Variants in MLYCD observed in about 807,000 individuals in gnomAD.
MLYCD encodes the protein malonyl-CoA decarboxylase, also known as malonyl-CoA decarboxylase, mitochondrial.
Under a neutral mutation model 35.8 loss-of-function variants are expected in MLYCD, and 27 were observed. The observed-to-expected ratio is 0.75, with a 90% CI of 0.56 to 1.04. MLYCD has a LOEUF of 1.04. MLYCD is among the 50% of genes least tolerant of loss of function. The pLI is 0.00. For missense variants in MLYCD, 917 were observed against 665.1 expected, an observed-to-expected ratio of 1.38 and a Z score of -4.17; for synonymous variants, 403 against 302.4, an observed-to-expected ratio of 1.33 and a Z score of -3.45.
chr16:83,918,255 CAGG>C lies in MLYCD; in HGVS notation c.*2769_*2771del, dbSNP rs1205160813. On this transcript the variant is annotated 3_prime_UTR_variant, in exon 5 of 5. Transcript: ENST00000262430. ...GGTGAAAGCCAGGTAGGCCTCGCCG[CAGG>C]AGAACACATACATGGTGCACAGAAC... The C allele has an allele frequency of 4.6e-5, 7 of 152,254 alleles. No individual in the cohort carries two copies. Among genetic ancestry groups the C allele is most frequent in the African/African-American group, 1.7e-4 (7 of 41,448 alleles). The allele number at this position is 152,254 out of a possible 1,614,324, so 9.4% of individuals were successfully genotyped here.
rs1906707739 is a variant in MLYCD, at chr16:83,899,631, G to C, written c.487G>C (p.Glu163Gln). The change falls in exon 1 of 5, where the codon GAG becomes CAG. Residue 163 changes from glutamate (E) to glutamine (Q), a missense_variant. Transcript: ENST00000262430. ...GGTGCAGCTGCGGGCCGACCTGCTG[G>C]AGGCGCAGGCCCTCAAGCTGGTGGA... ...FLVQLRADLL[E>Q]AQALKLVEGP... 2 of 1,560,626 alleles carry C rather than the reference G, an allele frequency of 1.3e-6. No individual in the cohort carries two copies. The highest frequency in any genetic ancestry group is 1.4e-5 in the African/African-American group (1 of 73,390).
intron 3 of MLYCD, among the ~76,000 whole-genome samples, chr16:83,909,367 A>G (rs1185863843): frequency 6.6e-6 from 1 of 152,204 alleles, no homozygotes; most frequent in Admixed American, 6.5e-5. Context: ...AGGGCGCTGT[A>G]GACACATGGC....
In MLYCD at chr16:83,903,404, G is replaced by A. The variant is rs570799096; in HGVS notation, c.529-3583G>A. 5.3e-5 allele frequency among the ~76,000 whole-genome samples: 8 copies of A among 152,222 alleles called. No homozygotes were observed. The East Asian group carries it at 9.7e-4, about 18-fold the overall frequency. ...CCCATAGCATCAAGTGTACACCTGC[G>A]GAGTGTCAGCTTACGTGAGTGGGAA... On this transcript the variant is annotated intron_variant, in intron 1 of 4. Transcript: ENST00000262430.
chr16:83,904,139 T>G (rs1906895213), intron 1 of MLYCD, among the ~76,000 whole-genome samples: 5 of 152,166 alleles, frequency 3.3e-5, no homozygotes. Flanking sequence ...AACCATTTCT[T>G]TCATAATTAA....
At chr16:83,899,916 A>G (rs1906723480) in intron 1 of MLYCD, among the ~76,000 whole-genome samples, 1 of 152,210 alleles carries the variant, frequency 6.6e-6, no homozygotes, top group Admixed American at 6.5e-5. Context: ...AGTGTTTACT[A>G]AATACTCAGC....
At chr16:83,902,284 G>A (rs1172887018) in intron 1 of MLYCD, among the ~76,000 whole-genome samples, 8 of 149,172 alleles carry the variant, frequency 5.4e-5, no homozygotes, top group African/African-American at 7.4e-5. Flanking sequence ...GGCTGGTCTT[G>A]AACTCCTGGC....
intron 3 of MLYCD, among the ~76,000 whole-genome samples, chr16:83,908,941 C>A (rs181694060): frequency 1.3e-5 from 2 of 152,212 alleles, no homozygotes; most frequent in Admixed American, 1.3e-4. Context: ...TTGCTCAGAC[C>A]AAGAGGACAT....
At chr16:83,911,482 C>T (rs1354622723) in intron 3 of MLYCD, among the ~76,000 whole-genome samples, 2 of 152,174 alleles carry the variant, frequency 1.3e-5, no homozygotes, top group Non-Finnish European at 2.9e-5. Flanking sequence ...CACTGTTATC[C>T]AGTGAGCTTT....
chr16:83,921,790 T>G lies in MLYCD; in HGVS notation c.*6301T>G, dbSNP rs1254267843. 7.1e-6 allele frequency: 1 copy of G among 140,630 alleles called. No homozygotes were observed. Among genetic ancestry groups the G allele is most frequent in the Non-Finnish European group, 1.6e-5 (1 of 62,504 alleles). The allele number at this position is 140,630 out of a possible 1,614,324, so 8.7% of individuals were successfully genotyped here. ...CCACCCATTCTTACACATGTCATCT[T>G]TCCCACAGTGGCAGTGCAGAGGAGA... is the stretch of plus-strand genomic sequence containing the variant. On this transcript the variant is annotated 3_prime_UTR_variant, in exon 5 of 5. Coordinates refer to ENST00000262430, the MANE Select transcript of MLYCD (RefSeq NM_012213.3).
At position 83,918,073 on chromosome 16, in the gene MLYCD, C is replaced by G. The variant is rs979567552; in HGVS notation, c.*2584C>G. ...CTGAGGTAGGTCTCGGAATAGTGTT[C>G]AAATCCATTTTACTATTGCGGCCAA... On this transcript the variant is annotated 3_prime_UTR_variant, in exon 5 of 5. Coordinates refer to ENST00000262430, the MANE Select transcript of MLYCD (RefSeq NM_012213.3). 6 of 152,248 alleles carry G rather than the reference C, an allele frequency of 3.9e-5. No individual in the cohort carries two copies. The highest frequency in any genetic ancestry group is 1.4e-4 in the African/African-American group (6 of 41,454). 9.4% of individuals were successfully genotyped at this position (152,248 alleles called of 1,614,324 possible).
chr16:83,919,759 C>T lies in MLYCD; in HGVS notation c.*4270C>T, dbSNP rs1218842466. The stretch of plus-strand genomic sequence containing the variant: ...CACAGTGCACAGAACACACGGTGCA[C>T]AGGAGAACACATGGTGCACAGGAGA... On this transcript the variant is annotated 3_prime_UTR_variant, in exon 5 of 5. Coordinates refer to ENST00000262430, the MANE Select transcript of MLYCD (RefSeq NM_012213.3). 1.3e-5 allele frequency: 2 copies of T among 150,386 alleles called. No homozygotes were observed. The highest frequency in any genetic ancestry group is 5.0e-5 in the African/African-American group (2 of 40,214). The allele number at this position is 150,386 out of a possible 1,614,324, so 9.3% of individuals were successfully genotyped here. A position where few individuals can be genotyped will look rare whatever the true frequency, so the allele number is the denominator to read the frequency against.
rs1907536481 is a variant in MLYCD at position 83,918,850 on chromosome 16, ACAGTGCACAGAACACAGC to A, written c.*3372_*3389del. On this transcript the variant is annotated 3_prime_UTR_variant, in exon 5 of 5. Coordinates refer to ENST00000262430, the MANE Select transcript of MLYCD (RefSeq NM_012213.3). ...ACAGTACACAGGAGAACACGCACACACAGTGCACAGAACACAGCCAGTGCACAGGAGAACACTGCACAG... is the reference window on the plus strand; with the variant it reads ...ACAGTACACAGGAGAACACGCACACACAGTGCACAGGAGAACACTGCACAG... 1 of 149,036 alleles carries A rather than the reference ACAGTGCACAGAACACAGC, an allele frequency of 6.7e-6. No individual in the cohort carries two copies. Among genetic ancestry groups the A allele is most frequent in the Non-Finnish European group, 1.5e-5 (1 of 67,782 alleles). The allele number at this position is 149,036 out of a possible 1,614,324, so 9.2% of individuals were successfully genotyped here.
chr16:83,907,197 T>C (rs1021499120), intron 2 of MLYCD, 98 bp downstream of exon 2: 42 of 1,050,348 alleles, frequency 4.0e-5, no homozygotes, highest in Non-Finnish European at 6.1e-5. Flanking sequence ...TCCATTCATA[T>C]GTACAGTTTA....
chr16:83,909,808 T>C (rs1907109478), intron 3 of MLYCD, among the ~76,000 whole-genome samples: 1 of 151,188 alleles, frequency 6.6e-6, no homozygotes, highest in Non-Finnish European at 1.5e-5. Context: ...TTTTTTTGTA[T>C]TTTTAGCAGA....
rs1037462236 is a variant in MLYCD at position 83,915,253 on chromosome 16, C to G, written c.1246C>G (p.Leu416Val). ...TGGAGAGAAGCACCGCGGCTACGCGCTGAACCCCGTGGCCAACTTCCACCT... is the reference window on the plus strand; with the variant it reads ...TGGAGAGAAGCACCGCGGCTACGCGGTGAACCCCGTGGCCAACTTCCACCT... Reference protein sequence around the residue: ...LYGEKHRGYALNPVANFHLQN... With the variant: ...LYGEKHRGYAVNPVANFHLQN... The change falls in exon 5 of 5, where the codon CTG becomes GTG. Residue 416 changes from leucine to valine, a missense_variant. Physicochemically the swap from Leu to Val is conservative, Grantham distance 32 (BLOSUM62 1). Transcript: ENST00000262430. The G allele has an allele frequency of 1.4e-5, 23 of 1,612,472 alleles. No individual in the cohort carries two copies. Among genetic ancestry groups the G allele is most frequent in the East Asian group, 4.5e-5 (2 of 44,854 alleles).
intron 1 of MLYCD, 24 bp from the exon 2 acceptor site, chr16:83,906,963 T>G (rs1330946631): frequency 1.2e-6 from 2 of 1,601,656 alleles, no homozygotes; most frequent in South Asian, 2.2e-5. Flanking sequence ...ATTGGAGGCC[T>G]GGGATTTATC....
chr16:83,912,036 C>G (rs1238242779), intron 3 of MLYCD, 182 bp from the exon 4 acceptor site: 1 of 827,264 alleles, frequency 1.2e-6, no homozygotes, highest in East Asian at 2.5e-5. Context: ...GTCGCCTCCT[C>G]CAGAGAGTTT....
At chr16:83,907,268 GAT>G (rs1428261471) in intron 2 of MLYCD, among the ~76,000 whole-genome samples, 169 bp downstream of exon 2, 1 of 152,116 alleles carries the variant, frequency 6.6e-6, no homozygotes, top group Non-Finnish European at 1.5e-5. Flanking sequence ...CACCACACAT[GAT>G]ACTAAGATTA....
At chr16:83,904,213 A>C (rs1014599906) in intron 1 of MLYCD, among the ~76,000 whole-genome samples, 1 of 152,182 alleles carries the variant, frequency 6.6e-6, no homozygotes, top group Non-Finnish European at 1.5e-5. Context: ...TAAGACAGAT[A>C]CCAGTACCTC....
Sources: gnomAD v4.1 joint callset for allele counts (sites outside exome capture counted in the v4.1 genomes callset) on GRCh38, gnomAD v4.1.1 for gene constraint, MANE v1.5 for transcripts, NCBI Gene and HGNC (gene_info 2026-07-23, HGNC 2026-07-21) for gene names.